Variants in EGFR observed in about 807,000 individuals in gnomAD.
EGFR encodes avian erythroblastic leukemia viral (v-erb-b) oncogene homolog.
A neutral mutation model predicts 143.0 loss-of-function variants in EGFR; 58 were observed. The ratio of observed to expected loss-of-function variants is 0.41; its 90% confidence interval spans 0.33 to 0.50. EGFR has a LOEUF of 0.50. EGFR is among the 20% of genes least tolerant of loss of function. The pLI is 0.39. For synonymous variants in EGFR, 613 were observed against 594.4 expected (o/e 1.03, Z -0.45); for missense variants, 1,307 against 1,579.0 (o/e 0.83, Z 2.92).
rs72547457 is a variant in EGFR at position 55,174,968 on chromosome 7, T to A, written c.2283+148T>A. 2.5e-3 allele frequency: 1,767 copies of A among 704,594 alleles called. 20 individuals are homozygous for A. The highest frequency in any genetic ancestry group is 0.013 in the East Asian group (452 of 35,594). The allele number at this position is 704,594 out of a possible 1,614,324, so 43.6% of individuals were successfully genotyped here. A position where few individuals can be genotyped will look rare whatever the true frequency, so the allele number is the denominator to read the frequency against. The stretch of plus-strand genomic sequence containing the variant: ...TATGTCTTTCCCTTTCTAGCTCTAG[T>A]GGGTATAACTCCCTCCCCTTAGAGA... On this transcript the variant is annotated intron_variant, in intron 19 of 27. Coordinates refer to ENST00000275493, the MANE Select transcript of EGFR (RefSeq NM_005228.5).
At chr7:55,095,918 TACACAGAGATAC>T (rs1396105696) in intron 1 of EGFR, among the ~76,000 whole-genome samples, 1 of 139,010 alleles carries the variant, frequency 7.2e-6, no homozygotes, top group Non-Finnish European at 1.6e-5. Flanking sequence ...ATACATACAA[TACACAGAGATAC>T]ACACAGAGAC....
intron 15 of EGFR, among the ~76,000 whole-genome samples, chr7:55,166,072 A>T (rs1212012182): frequency 6.6e-6 from 1 of 151,580 alleles, no homozygotes; most frequent in Non-Finnish European, 1.5e-5. Flanking sequence ...AATTGCTTGA[A>T]CCCGGGAGGC....
intron 23 of EGFR, 29 bp from the exon 24 acceptor site, chr7:55,200,287 T>C (rs774164134): frequency 4.4e-6 from 7 of 1,596,082 alleles, no homozygotes; most frequent in Non-Finnish European, 5.2e-6. Flanking sequence ...GTGTTCTAAT[T>C]GCACTGTTTT....
At position 55,163,597 on chromosome 7, in the gene EGFR, T is replaced by C; in HGVS notation, c.1632-136T>C. 4.1e-6 allele frequency: 3 copies of C among 736,920 alleles called. No individual in the cohort carries two copies. In the South Asian group the frequency reaches 4.4e-5, roughly 11 times the overall value. 45.6% of individuals were successfully genotyped at this position (736,920 alleles called of 1,614,324 possible). A position where few individuals can be genotyped will look rare whatever the true frequency, so the allele number is the denominator to read the frequency against. On this transcript the variant is annotated intron_variant, in intron 13 of 27. Transcript: ENST00000275493. ...GGATTCAGTTAACAAAATCAGCTGA[T>C]TATATTACTATATAGTCCTGGAGTC...
chr7:55,157,321 G>A (rs1785474391), intron 10 of EGFR, among the ~76,000 whole-genome samples: 2 of 152,220 alleles, frequency 1.3e-5, no homozygotes, highest in Admixed American at 6.5e-5. Flanking sequence ...AAAGCTCCTT[G>A]TATGTGATAC....
intron 1 of EGFR, among the ~76,000 whole-genome samples, chr7:55,124,430 T>C (rs1793398364): frequency 6.6e-6 from 1 of 152,224 alleles, no homozygotes; most frequent in Admixed American, 6.5e-5. Context: ...AAATTACAAA[T>C]TTAAGCTCTA....
At chr7:55,138,059 C>T (rs935753825) in intron 1 of EGFR, among the ~76,000 whole-genome samples, 24 of 152,164 alleles carry the variant, frequency 1.6e-4, no homozygotes, top group African/African-American at 5.5e-4. Flanking sequence ...CTCTACTTTA[C>T]TTTAAAATGC....
intron 1 of EGFR, among the ~76,000 whole-genome samples, chr7:55,097,661 C>T (rs1791559357): frequency 6.6e-6 from 1 of 152,148 alleles, no homozygotes; most frequent in Admixed American, 6.5e-5. Flanking sequence ...TTCTATAAGA[C>T]CCAGGACCTA....
intron 1 of EGFR, among the ~76,000 whole-genome samples, chr7:55,110,375 A>G (rs1302894560): frequency 5.3e-5 from 8 of 152,188 alleles, no homozygotes. Context: ...AAGCAGAAGC[A>G]TGTATCCAGG....
chr7:55,030,132 T>A (rs1787165160), intron 1 of EGFR, among the ~76,000 whole-genome samples: 1 of 152,190 alleles, frequency 6.6e-6, no homozygotes, highest in African/African-American at 2.4e-5. Flanking sequence ...CAGTGGGCAC[T>A]GGGTGCTCTC....
intron 1 of EGFR, among the ~76,000 whole-genome samples, chr7:55,102,848 G>C (rs955417486): frequency 9.2e-5 from 14 of 152,192 alleles, no homozygotes; most frequent in Non-Finnish European, 7.3e-5. Flanking sequence ...TACCTAGCTA[G>C]ATGGTGAAAT....
At chr7:55,021,024 G>A (rs1244833548) in intron 1 of EGFR, among the ~76,000 whole-genome samples, 3 of 152,146 alleles carry the variant, frequency 2.0e-5, no homozygotes, top group African/African-American at 7.2e-5. Flanking sequence ...CCAGATTTGG[G>A]GATCACTAGA....
chr7:55,099,717 G>A (rs906869807), intron 1 of EGFR, among the ~76,000 whole-genome samples: 3 of 152,048 alleles, frequency 2.0e-5, no homozygotes, highest in South Asian at 2.1e-4. Flanking sequence ...ACGGTGTGCC[G>A]ACAGCTCTGG....
Position 55,205,719 on chromosome 7 carries a change from T to G in EGFR, c.*102T>G. The G allele has an allele frequency of 6.3e-7, 1 of 1,590,440 alleles. No homozygotes were observed. The highest frequency in any genetic ancestry group is 8.6e-7 in the Non-Finnish European group (1 of 1,163,006). On this transcript the variant is annotated 3_prime_UTR_variant, in exon 28 of 28. Coordinates refer to ENST00000275493, the MANE Select transcript of EGFR (RefSeq NM_005228.5). Reference sequence around the variant, plus strand: ...CCAACAGCCATGCCCGCATTAGCTCTTAGACCCACAGACTGGTTTTGCAAC... The same window carrying G: ...CCAACAGCCATGCCCGCATTAGCTCGTAGACCCACAGACTGGTTTTGCAAC...
At position 55,053,723 on chromosome 7, in the gene EGFR, G is replaced by A. The variant is rs1430040120; in HGVS notation, c.88+34358G>A. Among the ~76,000 whole-genome samples, 4 of 152,254 alleles carry A rather than the reference G, an allele frequency of 2.6e-5. No individual in the cohort carries two copies. In the East Asian group the frequency reaches 7.7e-4, roughly 29 times the overall value. ...TAGCCCTTGCCGGGCCAGGCCCGCA[G>A]CACTCCGCTCCCCAACCCAGCCGCT... On this transcript the variant is annotated intron_variant, in intron 1 of 27. Transcript: ENST00000275493.
chr7:55,159,554 C>T (rs1261500171), intron 11 of EGFR, among the ~76,000 whole-genome samples: 27 of 152,208 alleles, frequency 1.8e-4, no homozygotes, highest in Admixed American at 1.8e-3. Flanking sequence ...AGGCATCCCT[C>T]CCAGACCTGG....
At chr7:55,197,571 A>G (rs1019757639) in intron 22 of EGFR, among the ~76,000 whole-genome samples, 2 of 152,154 alleles carry the variant, frequency 1.3e-5, no homozygotes, top group African/African-American at 4.8e-5. Flanking sequence ...GAGAGAGGGA[A>G]TCCTTGTCTT....
chr7:55,046,523 G>A (rs866717354), intron 1 of EGFR, among the ~76,000 whole-genome samples: 15 of 151,226 alleles, frequency 9.9e-5, no homozygotes, highest in South Asian at 2.1e-4. Flanking sequence ...GGCGTGGTGC[G>A]TCCTAAGCCA....
chr7:55,183,383 A>G (rs1422599561), intron 20 of EGFR, among the ~76,000 whole-genome samples: 1 of 152,262 alleles, frequency 6.6e-6, no homozygotes, highest in Non-Finnish European at 1.5e-5. Flanking sequence ...ATTAAAAAAG[A>G]TCCCAGTCAT....
Sources: allele counts gnomAD v4.1 joint callset (sites outside exome capture counted in the v4.1 genomes callset), GRCh38; gene constraint gnomAD v4.1.1; transcripts MANE v1.5; gene names NCBI Gene and HGNC (gene_info 2026-07-23, HGNC 2026-07-21).